PRR5L: variants seen among roughly 807,000 people sequenced by gnomAD.
PRR5L encodes proline-rich protein 5-like.
In PRR5L, 21 loss-of-function variants were observed where a neutral mutation model predicts 36.4. That is an observed-to-expected ratio of 0.58 (90% CI 0.41 to 0.83). PRR5L has a LOEUF of 0.83. Ranked by LOEUF, PRR5L falls within the 40% of genes least tolerant of loss-of-function variation. PRR5L has a pLI of 0.00. For synonymous variants in PRR5L, 188 were observed against 197.0 expected (o/e 0.95, Z 0.38); for missense variants, 381 against 473.3 (o/e 0.80, Z 1.81).
chr11:36,375,980 T>A (rs1201082979), intron 1 of PRR5L: 1 of 406,240 alleles, frequency 2.5e-6, no homozygotes, highest in East Asian at 7.3e-5. Flanking sequence ...CAGAATCACC[T>A]CTTGGCTTGG....
intron 1 of PRR5L, among the ~76,000 whole-genome samples, chr11:36,320,050 T>C (rs1198160809): frequency 3.3e-5 from 5 of 152,084 alleles, no homozygotes; most frequent in Non-Finnish European, 7.4e-5. Flanking sequence ...CCATATCAAG[T>C]GTATTCAGCA....
chr11:36,446,007 CTT>C (rs1309860647), intron 6 of PRR5L, among the ~76,000 whole-genome samples: 7 of 152,166 alleles, frequency 4.6e-5, no homozygotes, highest in Admixed American at 3.9e-4. Flanking sequence ...CCATCTTTCT[CTT>C]TCTCTCCTTC....
Position 36,446,362 on chromosome 11 carries a change from G to T in PRR5L, c.507G>T (p.Lys169Asn). Residue 169 changes from lysine (K) to asparagine (N), a missense_variant, in exon 7 of 9, where the codon AAG becomes AAT. Coordinates refer to ENST00000530639, the MANE Select transcript of PRR5L (RefSeq NM_001160167.2). ...LLGFRDLVLL[K>N]VKLGDLLLLA... ...GCTTCCGAGACCTAGTCTTGCTGAAGGTGAAGCTGGGTGACCTGCTGCTGC... is the reference window on the plus strand; with the variant it reads ...GCTTCCGAGACCTAGTCTTGCTGAATGTGAAGCTGGGTGACCTGCTGCTGC... 1 of 1,614,150 alleles carries T rather than the reference G, an allele frequency of 6.2e-7. No individual in the cohort carries two copies. The highest frequency in any genetic ancestry group is 1.3e-5 in the African/African-American group (1 of 75,046).
At chr11:36,459,520 G>A (rs1394428504) in intron 8 of PRR5L, among the ~76,000 whole-genome samples, 1 of 152,148 alleles carries the variant, frequency 6.6e-6, no homozygotes, top group Non-Finnish European at 1.5e-5. Context: ...GGGCTTACCC[G>A]GTTTTTGGAG....
chr11:36,336,214 G>A (rs865880994), intron 1 of PRR5L, among the ~76,000 whole-genome samples: 20 of 152,256 alleles, frequency 1.3e-4, no homozygotes, highest in South Asian at 4.1e-4. Flanking sequence ...AAACTTAAAT[G>A]TATTTTAAAA....
intron 1 of PRR5L, among the ~76,000 whole-genome samples, chr11:36,386,334 T>C (rs1340966472): frequency 6.6e-6 from 1 of 152,066 alleles, no homozygotes; most frequent in Non-Finnish European, 1.5e-5. Context: ...ATAAATAAAA[T>C]AAAAATATTT....
chr11:36,396,478 T>G (rs1857661958), intron 1 of PRR5L, among the ~76,000 whole-genome samples: 1 of 152,222 alleles, frequency 6.6e-6, no homozygotes, highest in Non-Finnish European at 1.5e-5. Flanking sequence ...CAGTGGAGTA[T>G]TTCCAGACGC....
chr11:36,401,049 C>T lies in PRR5L; in HGVS notation c.-73C>T. The T allele has an allele frequency of 6.4e-7, 1 of 1,569,610 alleles. No individual in the cohort carries two copies. The highest frequency in any genetic ancestry group is 8.7e-7 in the Non-Finnish European group (1 of 1,155,946). ...AAGCCTGAGGGCCTGAAGGCAGCCC[C>T]TGGAGAAGCCCTTTCCGAGGGCATT... On this transcript the variant is annotated 5_prime_UTR_variant, in exon 2 of 9. Transcript: ENST00000530639.
chr11:36,402,067 T>G (rs1857809355), intron 2 of PRR5L, among the ~76,000 whole-genome samples: 1 of 152,216 alleles, frequency 6.6e-6, no homozygotes, highest in Non-Finnish European at 1.5e-5. Flanking sequence ...AGAGTTTTGT[T>G]AGGTGTCTAG....
At chr11:36,453,767 T>C (rs890259) in intron 8 of PRR5L, among the ~76,000 whole-genome samples, 67,963 of 151,912 alleles carry the variant, frequency 0.45, 15,799 homozygotes, top group African/African-American at 0.57. Context: ...GGCACAGGGA[T>C]TTCATCTTGA....
intron 1 of PRR5L, among the ~76,000 whole-genome samples, chr11:36,351,869 T>C (rs1326379431): frequency 1.3e-5 from 2 of 148,222 alleles, no homozygotes; most frequent in African/African-American, 2.5e-5. Context: ...AATTGCGAAT[T>C]GTGCGGCTAT....
intron 8 of PRR5L, among the ~76,000 whole-genome samples, chr11:36,457,646 G>T (rs559971992): frequency 1.3e-5 from 2 of 151,406 alleles, no homozygotes; most frequent in East Asian, 3.9e-4. Context: ...ACAAAACATC[G>T]AAATCTCTAG....
At chr11:36,383,926 C>T (rs778934729) in intron 1 of PRR5L, among the ~76,000 whole-genome samples, 7 of 152,132 alleles carry the variant, frequency 4.6e-5, no homozygotes, top group Non-Finnish European at 7.4e-5. Flanking sequence ...AAACTCCTGA[C>T]CTCAGGTGAT....
At chr11:36,455,142 G>C (rs1370891713) in intron 8 of PRR5L, 1 of 152,190 alleles carries the variant, frequency 6.6e-6, no homozygotes, top group African/African-American at 2.4e-5. Context: ...TCTCCTTCAG[G>C]ATACTGTAGC....
chr11:36,317,273 A>G (rs1193831166), intron 1 of PRR5L, among the ~76,000 whole-genome samples: 1 of 152,248 alleles, frequency 6.6e-6, no homozygotes, highest in African/African-American at 2.4e-5. Context: ...GACTGGGGTC[A>G]GGCTTAAACC....
chr11:36,367,594 A>G (rs1337095329), intron 1 of PRR5L, among the ~76,000 whole-genome samples: 2 of 152,170 alleles, frequency 1.3e-5, no homozygotes, highest in Non-Finnish European at 2.9e-5. Flanking sequence ...TTTGGCTTAT[A>G]CTAGAAGGGA....
Position 36,378,188 on chromosome 11 carries a change from T to C in PRR5L, c.-125-22809T>C, listed in dbSNP as rs1590505005. 3.3e-5 allele frequency among the ~76,000 whole-genome samples: 5 copies of C among 152,182 alleles called. No individual in the cohort carries two copies. The South Asian group carries it at 1.0e-3, about 32-fold the overall frequency. The stretch of plus-strand genomic sequence containing the variant: ...GCTGTTACTGACAACACGAAGCAGC[T>C]AGCGGGTCAGGAGGGGAAATGGAGC... On this transcript the variant is annotated intron_variant, in intron 1 of 8. Transcript: ENST00000530639.
chr11:36,382,788 G>T (rs118055289), intron 1 of PRR5L, among the ~76,000 whole-genome samples: 2 of 152,124 alleles, frequency 1.3e-5, no homozygotes, highest in Non-Finnish European at 2.9e-5. Flanking sequence ...CCAGGCAGTG[G>T]GACAAAATCG....
chr11:36,342,631 C>G (rs991405088), intron 1 of PRR5L, among the ~76,000 whole-genome samples: 7 of 152,146 alleles, frequency 4.6e-5, no homozygotes, highest in African/African-American at 1.7e-4. Context: ...AACACCCAAG[C>G]AGGCCTCCTT....
Sources: gnomAD v4.1 joint callset for allele counts (sites outside exome capture counted in the v4.1 genomes callset) on GRCh38, gnomAD v4.1.1 for gene constraint, MANE v1.5 for transcripts, NCBI Gene and HGNC (gene_info 2026-07-23, HGNC 2026-07-21) for gene names.